Variants in GRM1 observed in about 807,000 individuals in gnomAD.
The protein encoded by GRM1 is metabotropic glutamate receptor 1.
GRM1 carries 33 observed loss-of-function variants against 90.9 expected under a neutral mutation model. The observed-to-expected ratio is 0.36, with a 90% confidence interval of 0.28 to 0.49. GRM1 has a LOEUF of 0.49. Ranked by LOEUF, GRM1 falls within the 20% of genes least tolerant of loss-of-function variation. The pLI, the probability that GRM1 is intolerant of heterozygous loss-of-function variation, is 0.99. For missense variants in GRM1, 1,190 were observed against 1,534.3 expected, an observed-to-expected ratio of 0.78 and a Z score of 3.75; for synonymous variants, 700 against 613.2, an observed-to-expected ratio of 1.14 and a Z score of -2.09.
intron 2 of GRM1, among the ~76,000 whole-genome samples, chr6:146,170,892 T>A (rs1279176100): frequency 6.6e-6 from 1 of 152,196 alleles, no homozygotes; most frequent in Non-Finnish European, 1.5e-5. Flanking sequence ...GTTATAACAA[T>A]TCCAGATACT....
intron 2 of GRM1, among the ~76,000 whole-genome samples, chr6:146,166,291 T>G (rs1777900683): frequency 6.6e-6 from 1 of 152,112 alleles, no homozygotes; most frequent in African/African-American, 2.4e-5. Flanking sequence ...CCCCGTCTGA[T>G]GAATTAGCTT....
intron 2 of GRM1, among the ~76,000 whole-genome samples, chr6:146,232,145 CTT>C (rs1464321297): frequency 5.9e-5 from 9 of 151,986 alleles, no homozygotes; most frequent in African/African-American, 1.9e-4. Flanking sequence ...CAGTTTGTGT[CTT>C]TATTAGTTTG....
chr6:146,168,758 C>G (rs1365286029), intron 2 of GRM1, among the ~76,000 whole-genome samples: 2 of 152,000 alleles, frequency 1.3e-5, no homozygotes, highest in African/African-American at 4.8e-5. Context: ...ATGGTCAATA[C>G]TCTAGAGATA....
intron 1 of GRM1, among the ~76,000 whole-genome samples, chr6:146,128,072 C>A (rs1196422153): frequency 6.6e-6 from 1 of 152,122 alleles, no homozygotes; most frequent in Admixed American, 6.6e-5. Flanking sequence ...TTGGCTTCCT[C>A]CTAGCATGGT....
intron 7 of GRM1, among the ~76,000 whole-genome samples, chr6:146,423,421 G>A (rs985332815): frequency 4.0e-5 from 6 of 151,542 alleles, no homozygotes; most frequent in Non-Finnish European, 8.8e-5. Flanking sequence ...AATGCAAAGT[G>A]AAAGTCGGAG....
intron 1 of GRM1, among the ~76,000 whole-genome samples, chr6:146,078,096 A>G (rs1010376189): frequency 2.0e-5 from 3 of 152,142 alleles, no homozygotes; most frequent in Non-Finnish European, 2.9e-5. Flanking sequence ...ACACTATTGG[A>G]AAAAAAAGAT....
At chr6:146,103,965 GA>G (rs957914292) in intron 1 of GRM1, among the ~76,000 whole-genome samples, 4 of 152,098 alleles carry the variant, frequency 2.6e-5, no homozygotes, top group African/African-American at 9.6e-5. Flanking sequence ...CTAAACTGAA[GA>G]AAAAAACCAT....
chr6:146,028,937 A>T (rs1003066478), upstream of GRM1, among the ~76,000 whole-genome samples: 1 of 152,138 alleles, frequency 6.6e-6, no homozygotes, highest in African/African-American at 2.4e-5. Context: ...GATAGGTTTT[A>T]GGGGACCAGG....
At chr6:146,379,258 T>C (rs1776226727) in intron 5 of GRM1, among the ~76,000 whole-genome samples, 3 of 152,148 alleles carry the variant, frequency 2.0e-5, no homozygotes, top group Admixed American at 1.3e-4. Flanking sequence ...GTGCGCTTTA[T>C]TGTTTCTTTT....
At chr6:146,312,821 T>G (rs946038426) in intron 3 of GRM1, among the ~76,000 whole-genome samples, 28 of 152,224 alleles carry the variant, frequency 1.8e-4, no homozygotes, top group African/African-American at 6.3e-4. Flanking sequence ...CTCTTTGGTA[T>G]GAGCCAACGC....
At chr6:146,257,332 T>C (rs373440414) in intron 2 of GRM1, among the ~76,000 whole-genome samples, 2 of 152,200 alleles carry the variant, frequency 1.3e-5, no homozygotes, top group African/African-American at 2.4e-5. Flanking sequence ...CTGTGTAGCA[T>C]TGAGTATTTA....
intron 1 of GRM1, among the ~76,000 whole-genome samples, chr6:146,107,098 A>T (rs900148494): frequency 3.3e-5 from 5 of 152,106 alleles, no homozygotes; most frequent in African/African-American, 4.8e-5. Context: ...CCTTGACATC[A>T]TTCCTGCAAT....
rs148646324 is a variant in GRM1 at position 146,322,276 on chromosome 6, C to T, written c.1186+17430C>T. On this transcript the variant is annotated intron_variant, in intron 3 of 7. Coordinates refer to ENST00000282753, the MANE Select transcript of GRM1 (RefSeq NM_001278064.2). ...TGTCTATTCCTTCCTCTGGAAGCTT[C>T]ATCCCAGAGGGTACCCACCAGATGC... is the stretch of plus-strand genomic sequence containing the variant. Among the ~76,000 whole-genome samples, 140 of 152,306 alleles carry T rather than the reference C, an allele frequency of 9.2e-4. 1 individual carries two copies. The highest frequency in any genetic ancestry group is 3.1e-3 in the African/African-American group (128 of 41,584).
At chr6:146,085,042 T>A (rs1178212726) in intron 1 of GRM1, among the ~76,000 whole-genome samples, 1 of 152,198 alleles carries the variant, frequency 6.6e-6, no homozygotes, top group Non-Finnish European at 1.5e-5. Context: ...CATGCCATTT[T>A]TTAAGTCTCA....
intron 2 of GRM1, among the ~76,000 whole-genome samples, chr6:146,192,653 C>A (rs1235723081): frequency 6.6e-6 from 1 of 152,174 alleles, no homozygotes; most frequent in Non-Finnish European, 1.5e-5. Context: ...TCTTTCTAAA[C>A]CAGTAACCAG....
At chr6:146,043,811 A>ATATATATATATATATAT (rs1554260501) in intron 1 of GRM1, among the ~76,000 whole-genome samples, 24 of 145,556 alleles carry the variant, frequency 1.6e-4, no homozygotes, top group South Asian at 2.2e-4. Context: ...ATATATATAT[A>ATATATATATATATATAT]AAGGGAAGTG....
chr6:146,351,484 A>G (rs1355772299), intron 3 of GRM1, among the ~76,000 whole-genome samples: 3 of 152,184 alleles, frequency 2.0e-5, no homozygotes, highest in East Asian at 1.9e-4. Flanking sequence ...GGCTTCCAAT[A>G]TGGAGCTTAT....
intron 2 of GRM1, among the ~76,000 whole-genome samples, chr6:146,244,202 T>C (rs1207365398): frequency 6.6e-6 from 1 of 152,074 alleles, no homozygotes; most frequent in Non-Finnish European, 1.5e-5. Context: ...ATGACAGGAT[T>C]AAGAGATTAA....
intron 1 of GRM1, among the ~76,000 whole-genome samples, chr6:146,049,208 A>G (rs1791436428): frequency 6.6e-6 from 1 of 152,006 alleles, no homozygotes; most frequent in Admixed American, 6.6e-5. Context: ...GGCTAATTTT[A>G]GGTGTCAGCT....
Sources: allele counts gnomAD v4.1 joint callset (sites outside exome capture counted in the v4.1 genomes callset), GRCh38; gene constraint gnomAD v4.1.1; transcripts MANE v1.5; gene names NCBI Gene and HGNC (gene_info 2026-07-23, HGNC 2026-07-21).